The following SRFBP1 variants were observed in gnomAD, a reference collection of about 807,000 sequenced individuals.
SRFBP1 encodes the protein serum response factor binding protein 1.
SRFBP1 carries 47 observed loss-of-function variants against 45.5 expected under a neutral mutation model. The observed-to-expected ratio is 1.03, with a 90% CI of 0.82 to 1.32. SRFBP1 has a LOEUF of 1.32. Among genes scored for constraint, SRFBP1 ranks in the 40% most tolerant of loss-of-function variants. SRFBP1 has a pLI of 0.00. For missense variants in SRFBP1, 621 were observed against 484.6 expected, an observed-to-expected ratio of 1.28 and a Z score of -2.64; for synonymous variants, 203 against 166.3, an observed-to-expected ratio of 1.22 and a Z score of -1.70.
At chr5:122,017,717 G>A (rs2112703829) in intron 4 of SRFBP1, among the ~76,000 whole-genome samples, 1 of 152,264 alleles carries the variant, frequency 6.6e-6, no homozygotes, top group African/African-American at 2.4e-5. Context: ...AAACAGAATA[G>A]CTTGCATACT....
chr5:122,033,974 C>T (rs912419915), intron 2 of SRFBP1, among the ~76,000 whole-genome samples: 2 of 151,572 alleles, frequency 1.3e-5, no homozygotes, highest in African/African-American at 4.9e-5. Flanking sequence ...CAGGCACACG[C>T]CACCACGCCC....
At chr5:121,977,854 C>G (rs144261476) in intron 3 of SRFBP1, among the ~76,000 whole-genome samples, 8 of 152,224 alleles carry the variant, frequency 5.3e-5, no homozygotes, top group African/African-American at 1.4e-4. Context: ...GATCTTTACA[C>G]TATAAAATCA....
chr5:122,042,712 A>G lies in SRFBP1; in HGVS notation n.311+20305A>G, dbSNP rs112336276. On this transcript the variant is annotated intron_variant and non_coding_transcript_variant, in intron 2 of 2. Coordinates refer to the SRFBP1 transcript ENST00000504881. ...TTGTGTGCTCTTTTAGCCATATCCC[A>G]TAGGTTCCAATGCATTGTGATTTTT... 3.9e-3 allele frequency among the ~76,000 whole-genome samples: 592 copies of G among 152,280 alleles called. 6 individuals are homozygous for G. The highest frequency in any genetic ancestry group is 0.014 in the African/African-American group (564 of 41,558).
chr5:122,026,497 C>CT (rs1382816885), intron 7 of SRFBP1, among the ~76,000 whole-genome samples: 3 of 152,202 alleles, frequency 2.0e-5, no homozygotes, highest in Non-Finnish European at 4.4e-5. Flanking sequence ...TGAGTAAGCA[C>CT]TATCAGTATT....
chr5:121,968,956 G>C (rs1322207078), intron 1 of SRFBP1, among the ~76,000 whole-genome samples: 1 of 152,124 alleles, frequency 6.6e-6, no homozygotes, highest in East Asian at 1.9e-4. Context: ...TTTTGTTACA[G>C]GCTAACTCAA....
intron 2 of SRFBP1, chr5:122,063,892 G>T (rs539660090): frequency 6.6e-6 from 1 of 151,926 alleles, no homozygotes; most frequent in African/African-American, 2.4e-5. Context: ...TACAAATAAT[G>T]CCTAGTGAGT....
chr5:122,064,490 T>G (rs369039393), intron 2 of SRFBP1: 103 of 151,918 alleles, frequency 6.8e-4, no homozygotes, highest in African/African-American at 2.4e-3. Flanking sequence ...GGTGTTATAT[T>G]TAAAAGGCAG....
downstream of SRFBP1, among the ~76,000 whole-genome samples, chr5:122,032,265 G>GTT (rs55902217): frequency 6.8e-6 from 1 of 146,612 alleles, no homozygotes. Flanking sequence ...ATCCTTGGTA[G>GTT]TTTTTTTTTT....
At chr5:121,975,494 T>G (rs1336757796) in intron 3 of SRFBP1, 107 bp downstream of exon 3, 16 of 1,166,758 alleles carry the variant, frequency 1.4e-5, no homozygotes, top group Non-Finnish European at 2.0e-5. Flanking sequence ...GAGAGTTGCG[T>G]AAGACATCTT....
chr5:121,999,148 G>T (rs980089014), intron 4 of SRFBP1, among the ~76,000 whole-genome samples: 4 of 152,000 alleles, frequency 2.6e-5, no homozygotes, highest in African/African-American at 9.7e-5. Context: ...TACTTTAGCT[G>T]CATCTCATAA....
At chr5:122,070,184 A>C in intron 2 of SRFBP1, 2 of 1,354,694 alleles carry the variant, frequency 1.5e-6, no homozygotes, top group Non-Finnish European at 2.1e-6. Flanking sequence ...CAACACAAAG[A>C]GTTCCTCAGT....
downstream of SRFBP1, among the ~76,000 whole-genome samples, chr5:122,030,159 C>T (rs182419074): frequency 2.0e-5 from 3 of 152,184 alleles, no homozygotes; most frequent in African/African-American, 4.8e-5. Flanking sequence ...AAATGTTTCT[C>T]TCTGTGAAAG....
In SRFBP1 at chr5:121,962,059, C is replaced by T. The variant is rs748427831; in HGVS notation, c.27C>T (p.Leu9=). ...TGGCTCAGCCGGGAACTCTGAACCT[C>T]AATAACGAGGTGAGCGCCGAGGAAC... MAQPGTLN[L]NNEVVKMRKE... is the part of the protein sequence containing the mutation. The change falls in exon 1 of 8, where the codon CTC becomes CTT. Residue 9 remains leucine, a synonymous_variant. Transcript: ENST00000339397. 1.9e-6 allele frequency: 3 copies of T among 1,614,092 alleles called. No homozygotes were observed. Among genetic ancestry groups the T allele is most frequent in the Non-Finnish European group, 1.7e-6 (2 of 1,180,028 alleles).
intron 3 of SRFBP1, among the ~76,000 whole-genome samples, chr5:121,989,461 A>G (rs551318986): frequency 6.6e-6 from 1 of 152,272 alleles, no homozygotes; most frequent in Admixed American, 6.5e-5. Context: ...GCATGGTGTA[A>G]CAGTATCATA....
At chr5:122,002,854 C>T (rs1286034315) in intron 4 of SRFBP1, among the ~76,000 whole-genome samples, 1 of 151,752 alleles carries the variant, frequency 6.6e-6, no homozygotes, top group Admixed American at 6.6e-5. Context: ...AGGTTTTTTC[C>T]CAGCCTTAAG....
chr5:122,054,240 C>T (rs767662982), intron 2 of SRFBP1, among the ~76,000 whole-genome samples: 1 of 152,168 alleles, frequency 6.6e-6, no homozygotes, highest in Non-Finnish European at 1.5e-5. Context: ...CTGGGAGGTC[C>T]AGGGGGATTC....
chr5:122,045,270 G>C (rs1477226700), intron 2 of SRFBP1, among the ~76,000 whole-genome samples: 2 of 152,210 alleles, frequency 1.3e-5, no homozygotes, highest in African/African-American at 2.4e-5. Flanking sequence ...CTGTAGTATA[G>C]TTTGAAGTCA....
At chr5:122,054,184 C>T (rs1248143802) in intron 2 of SRFBP1, among the ~76,000 whole-genome samples, 1 of 152,216 alleles carries the variant, frequency 6.6e-6, no homozygotes, top group South Asian at 2.1e-4. Context: ...CCCCACAAAA[C>T]ATCTGAGTGG....
intron 2 of SRFBP1, chr5:122,074,210 A>G (rs754864449): frequency 6.4e-7 from 1 of 1,563,226 alleles, no homozygotes; most frequent in East Asian, 2.3e-5. Flanking sequence ...TCAGTTACAT[A>G]CAGAGAAAGC....
Sources: allele counts gnomAD v4.1 joint callset (sites outside exome capture counted in the v4.1 genomes callset), GRCh38; gene constraint gnomAD v4.1.1; transcripts MANE v1.5; gene names NCBI Gene and HGNC (gene_info 2026-07-23, HGNC 2026-07-21).